The following SLC2A1 variants were observed in gnomAD, a reference collection of about 807,000 sequenced individuals.
SLC2A1 encodes solute carrier family 2 member 1, also known as solute carrier family 2, facilitated glucose transporter member 1.
In SLC2A1, 4 loss-of-function variants were observed where a neutral mutation model predicts 46.6. The ratio of observed to expected loss-of-function variants is 0.09; its 90% CI spans 0.04 to 0.20. The LOEUF (loss-of-function observed/expected upper bound fraction) is 0.20, where lower values mean the gene tolerates loss of function less well. SLC2A1 is among the 10% of genes least tolerant of loss of function. The probability of loss-of-function intolerance (pLI) is 1.00; values close to 1 mark genes in which losing one functional copy is unlikely to be tolerated. For missense variants in SLC2A1, 352 were observed against 667.0 expected (o/e 0.53, Z 5.20); for synonymous variants, 253 against 270.0 (o/e 0.94, Z 0.62).
intron 1 of SLC2A1, among the ~76,000 whole-genome samples, chr1:42,949,280 T>C (rs1643695731): frequency 1.3e-5 from 2 of 151,888 alleles, no homozygotes; most frequent in South Asian, 4.1e-4. Flanking sequence ...TTGGCTGCAA[T>C]AAGAAAGAAA....
Position 42,930,165 on chromosome 1 carries a change from A to G in SLC2A1, c.517-130T>C, listed in dbSNP as rs901560660. The stretch of plus-strand genomic sequence containing the variant: ...GGGCCCCAGTTCTAGAGGCTCTGCC[A>G]CTAGCATGAGCCCTGTTTCTCAGTT... On this transcript the variant is annotated intron_variant, in intron 4 of 9. Coordinates refer to ENST00000426263, the MANE Select transcript of SLC2A1 (RefSeq NM_006516.4). This position sits in a 1 kb window ranked among gnomAD's most constrained non-coding sequence, Gnocchi z 6.2. 3.8e-5 allele frequency: 38 copies of G among 990,294 alleles called. No individual in the cohort carries two copies. The East Asian group carries it at 9.4e-4, about 24-fold the overall frequency. The allele number at this position is 990,294 out of a possible 1,614,324, so 61.3% of individuals were successfully genotyped here.
chr1:42,941,754 C>T (rs949785086), intron 2 of SLC2A1, among the ~76,000 whole-genome samples: 3 of 152,368 alleles, frequency 2.0e-5, no homozygotes, highest in South Asian at 4.1e-4. Flanking sequence ...GTCTTACAGA[C>T]TTTCCATCTG....
In SLC2A1 at chr1:42,930,243, G is replaced by A; in HGVS notation, c.517-208C>T. On this transcript the variant is annotated intron_variant, in intron 4 of 9. Coordinates refer to ENST00000426263, the MANE Select transcript of SLC2A1 (RefSeq NM_006516.4). This position sits in a 1 kb window ranked among gnomAD's most constrained non-coding sequence, Gnocchi z 6.2. ...GACCTACCCCACAGTGTTGCTGGGA[G>A]GACAAATGACAAGGCCACAGATGTG... 3.1e-6 allele frequency: 2 copies of A among 649,296 alleles called. No individual in the cohort carries two copies. Among genetic ancestry groups the A allele is most frequent in the Non-Finnish European group, 5.5e-6 (2 of 366,436 alleles). 40.2% of individuals were successfully genotyped at this position (649,296 alleles called of 1,614,324 possible). A position where few individuals can be genotyped will look rare whatever the true frequency, so the allele number is the denominator to read the frequency against.
intron 1 of SLC2A1, among the ~76,000 whole-genome samples, chr1:42,953,471 T>C (rs890548549): frequency 1.3e-5 from 2 of 152,198 alleles, no homozygotes; most frequent in Non-Finnish European, 2.9e-5. Context: ...TCTGAGCCCA[T>C]GAATCTGGTC....
intron 2 of SLC2A1, among the ~76,000 whole-genome samples, chr1:42,937,041 A>T (rs1281420522): frequency 6.6e-6 from 1 of 152,180 alleles, no homozygotes; most frequent in African/African-American, 2.4e-5. Flanking sequence ...AATGCATGGG[A>T]CAGGCCTCTA....
intron 2 of SLC2A1, among the ~76,000 whole-genome samples, chr1:42,931,450 C>T (rs1157485136): frequency 6.6e-6 from 1 of 152,148 alleles, no homozygotes; most frequent in African/African-American, 2.4e-5. Context: ...GTGTGGTTTC[C>T]AGTGCCCTGT....
rs573352605 is a variant in SLC2A1, at chr1:42,952,516, G to C, written c.18+6118C>G. 10 of 411,944 alleles carry C rather than the reference G, an allele frequency of 2.4e-5. No individual in the cohort carries two copies. In the East Asian group the frequency reaches 7.2e-4, roughly 30 times the overall value. 25.5% of individuals were successfully genotyped at this position (411,944 alleles called of 1,614,324 possible). On this transcript the variant is annotated intron_variant, in intron 1 of 9. Coordinates refer to ENST00000426263, the MANE Select transcript of SLC2A1 (RefSeq NM_006516.4). ...TTCAGGATCAGCTCCAGCCGCATAA[G>C]GGCCAGGGCCACGAGGCAGTGCTGC...
At chr1:42,951,652 C>T (rs1643721293) in intron 1 of SLC2A1, 3 of 394,592 alleles carry the variant, frequency 7.6e-6, no homozygotes, top group Non-Finnish European at 1.3e-5. Context: ...CTGTAGTTGG[C>T]TCTGTAACTT....
chr1:42,956,866 C>A (rs1316670039), intron 1 of SLC2A1, among the ~76,000 whole-genome samples: 3 of 152,196 alleles, frequency 2.0e-5, no homozygotes, highest in Non-Finnish European at 1.5e-5. Flanking sequence ...GGGTTCAAAT[C>A]CAGTTCAACC....
chr1:42,926,713 A>C lies in SLC2A1; in HGVS notation c.*328T>G, dbSNP rs1643430317. 2.9e-6 allele frequency: 4 copies of C among 1,363,000 alleles called. No individual in the cohort carries two copies. The highest frequency in any genetic ancestry group is 3.9e-6 in the Non-Finnish European group (4 of 1,037,626). 84.4% of individuals were successfully genotyped at this position (1,363,000 alleles called of 1,614,324 possible). A position where few individuals can be genotyped will look rare whatever the true frequency, so the allele number is the denominator to read the frequency against. ...AGTGTCTCGACAGGGCTTAGTCTCCACCCTCAGGCATGGAACCATTCAGGG... is the reference window on the plus strand; with the variant it reads ...AGTGTCTCGACAGGGCTTAGTCTCCCCCCTCAGGCATGGAACCATTCAGGG... On this transcript the variant is annotated 3_prime_UTR_variant, in exon 10 of 10. Transcript: ENST00000426263.
intron 1 of SLC2A1, among the ~76,000 whole-genome samples, chr1:42,956,706 A>G (rs898661282): frequency 2.6e-5 from 4 of 152,246 alleles, no homozygotes; most frequent in African/African-American, 9.6e-5. Flanking sequence ...CTCCATGAAG[A>G]GCACCCACCT....
In SLC2A1 at chr1:42,948,657, G is replaced by A. The variant is rs1055358689; in HGVS notation, c.19-5336C>T. On this transcript the variant is annotated intron_variant, in intron 1 of 9. Coordinates refer to ENST00000426263, the MANE Select transcript of SLC2A1 (RefSeq NM_006516.4). ...AAGAAAGAACCTCAAGGCTGGGCGC[G>A]GTGGCTTACACCTATAATCCCAGCA... 5.3e-5 allele frequency among the ~76,000 whole-genome samples: 8 copies of A among 152,100 alleles called. No individual in the cohort carries two copies. In the East Asian group the frequency reaches 5.8e-4, roughly 11 times the overall value.
In SLC2A1 at chr1:42,927,436, A is replaced by G. The variant is rs1643438771; in HGVS notation, c.1278+169T>C. ...GGCTCCAGGAGCACCATTCAAGGCT[A>G]AGGGGAGAACCCTGGAGTTGAGGTC... On this transcript the variant is annotated intron_variant, in intron 9 of 9. Coordinates refer to ENST00000426263, the MANE Select transcript of SLC2A1 (RefSeq NM_006516.4). This position sits in a 1 kb window ranked among gnomAD's most constrained non-coding sequence, Gnocchi z 5.3. 6.6e-6 allele frequency among the ~76,000 whole-genome samples: 1 copy of G among 152,210 alleles called. No individual in the cohort carries two copies. Among genetic ancestry groups the G allele is most frequent in the Admixed American group, 6.5e-5 (1 of 15,276 alleles).
intron 2 of SLC2A1, among the ~76,000 whole-genome samples, chr1:42,940,903 C>T (rs909447069): frequency 6.6e-6 from 1 of 152,156 alleles, no homozygotes; most frequent in Non-Finnish European, 1.5e-5. Context: ...TGTGTCACCC[C>T]ACGCCTCCAT....
intron 1 of SLC2A1, chr1:42,951,669 CT>C (rs1215260783): frequency 2.5e-5 from 10 of 394,842 alleles, no homozygotes; most frequent in African/African-American, 4.1e-5. Context: ...ACTTCTGAAG[CT>C]TTTTTTTAAT....
chr1:42,951,418 T>C (rs976888002), intron 1 of SLC2A1, among the ~76,000 whole-genome samples: 2 of 152,202 alleles, frequency 1.3e-5, no homozygotes, highest in African/African-American at 4.8e-5. Flanking sequence ...TGAACTTGTA[T>C]AGTGGCACTT....
At chr1:42,931,309 G>A in intron 2 of SLC2A1, 103 bp from the exon 3 acceptor site, 1 of 1,172,662 alleles carries the variant, frequency 8.5e-7, no homozygotes, top group Non-Finnish European at 1.2e-6. Flanking sequence ...CCAGGGCCTG[G>A]CTCTGCCACA....
Position 42,930,398 on chromosome 1 carries a change from G to A in SLC2A1, c.516+228C>T, listed in dbSNP as rs887318179. On this transcript the variant is annotated intron_variant, in intron 4 of 9. Transcript: ENST00000426263. The surrounding 1 kb of genome is among the most constrained non-coding windows in gnomAD (Gnocchi z 6.2). ...ATGTTGGGGGAAGGCGGGCCCTGTG[G>A]TTGGAAGCCTAGAGTGAGAAGAAAG... 1 of 725,186 alleles carries A rather than the reference G, an allele frequency of 1.4e-6. No homozygotes were observed. Among genetic ancestry groups the A allele is most frequent in the South Asian group, 1.6e-5 (1 of 64,502 alleles). 44.9% of individuals were successfully genotyped at this position (725,186 alleles called of 1,614,324 possible). A position where few individuals can be genotyped will look rare whatever the true frequency, so the allele number is the denominator to read the frequency against.
At position 42,954,196 on chromosome 1, in the gene SLC2A1, C is replaced by A. The variant is rs1006942662; in HGVS notation, c.18+4438G>T. On this transcript the variant is annotated intron_variant, in intron 1 of 9. Coordinates refer to ENST00000426263, the MANE Select transcript of SLC2A1 (RefSeq NM_006516.4). The surrounding 1 kb of genome is among the most constrained non-coding windows in gnomAD (Gnocchi z 4.2). ...GTGGGTGGAGGATGGCACAGACAGGCATGTGGAGAAGAAAGCATCTTTAAA... is the reference window on the plus strand; with the variant it reads ...GTGGGTGGAGGATGGCACAGACAGGAATGTGGAGAAGAAAGCATCTTTAAA... Among the ~76,000 whole-genome samples the A allele has an allele frequency of 1.4e-5, 2 of 145,502 alleles. No individual in the cohort carries two copies. The highest frequency in any genetic ancestry group is 3.0e-5 in the Non-Finnish European group (2 of 67,046).
Sources: gnomAD v4.1 joint callset for allele counts (sites outside exome capture counted in the v4.1 genomes callset) on GRCh38, gnomAD v4.1.1 for gene constraint, Gnocchi (gnomAD v3.1) non-coding constraint, MANE v1.5 for transcripts, NCBI Gene and HGNC (gene_info 2026-07-23, HGNC 2026-07-21) for gene names.